BICRAL: variants seen among roughly 807,000 people sequenced by gnomAD.
BICRAL encodes BICRA like chromatin remodeling complex associated protein.
BICRAL carries 8 observed loss-of-function variants against 91.8 expected under a neutral mutation model. That is an observed-to-expected ratio of 0.09 (90% CI 0.05 to 0.16). The LOEUF is 0.16. BICRAL is among the 10% of genes least tolerant of loss of function. BICRAL has a pLI of 1.00. For synonymous variants in BICRAL, 445 were observed against 491.1 expected, an observed-to-expected ratio of 0.91 and a Z score of 1.24; for missense variants, 1,038 against 1,310.9, an observed-to-expected ratio of 0.79 and a Z score of 3.21.
chr6:42,857,063 A>G lies in BICRAL; in HGVS notation c.2109-28A>G, dbSNP rs200460616. On this transcript the variant is annotated intron_variant, in intron 9 of 12. Coordinates refer to ENST00000314073, the MANE Select transcript of BICRAL (RefSeq NM_001393499.1). ...ATTTAATTTCCTAACATGACTTTAC[A>G]TTGACATTGACCATTTCCCTTGTAA... The G allele has an allele frequency of 1.7e-4, 262 of 1,578,790 alleles. 2 individuals are homozygous for G. Among genetic ancestry groups the G allele is most frequent in the Non-Finnish European group, 3.4e-5 (39 of 1,156,208 alleles).
chr6:42,767,460 G>A (rs568530630), intron 1 of BICRAL, among the ~76,000 whole-genome samples: 51 of 152,226 alleles, frequency 3.4e-4, no homozygotes, highest in Admixed American at 1.5e-3. Context: ...TGATAGATGG[G>A]CATCTCATCT....
intron 1 of BICRAL, among the ~76,000 whole-genome samples, chr6:42,804,077 C>CA (rs1207055093): frequency 1.3e-5 from 2 of 152,202 alleles, no homozygotes; most frequent in African/African-American, 4.8e-5. Flanking sequence ...GGCTGGAGTG[C>CA]AATGGCATGA....
At chr6:42,859,065 A>G (rs1195415368) in intron 10 of BICRAL, among the ~76,000 whole-genome samples, 2 of 151,948 alleles carry the variant, frequency 1.3e-5, no homozygotes, top group African/African-American at 4.8e-5. Context: ...CTAGGACACC[A>G]AGGAATAGGG....
chr6:42,848,134 GA>G (rs988718618), intron 6 of BICRAL, among the ~76,000 whole-genome samples: 17 of 134,826 alleles, frequency 1.3e-4, no homozygotes, highest in Non-Finnish European at 2.4e-4. Flanking sequence ...GTCTCAAAAA[GA>G]AAAAAAAAAC....
At chr6:42,770,437 G>A (rs1582805627) in intron 1 of BICRAL, among the ~76,000 whole-genome samples, 1 of 138,826 alleles carries the variant, frequency 7.2e-6, no homozygotes, top group East Asian at 2.1e-4. Context: ...TTTTTGAGAC[G>A]GAGCCTTGCT....
rs571180442 is a variant in BICRAL, at chr6:42,850,926, C to T, written c.1840-1166C>T. ...CCTTTATTGGCTGGGTGTGGTGGCT[C>T]ATGCCTGTAATCCCAGCACTTTGGG... is the stretch of plus-strand genomic sequence containing the variant. On this transcript the variant is annotated intron_variant, in intron 6 of 12. Transcript: ENST00000314073. Among the ~76,000 whole-genome samples the T allele has an allele frequency of 2.9e-3, 434 of 152,038 alleles. 2 individuals carry two copies. Among genetic ancestry groups the T allele is most frequent in the African/African-American group, 1.0e-2 (414 of 41,480 alleles).
At chr6:42,802,757 T>C (rs1337975379) in intron 1 of BICRAL, among the ~76,000 whole-genome samples, 1 of 151,992 alleles carries the variant, frequency 6.6e-6, no homozygotes, top group Non-Finnish European at 1.5e-5. Flanking sequence ...TTTTTTTTGT[T>C]TTTAATAGAG....
In BICRAL at chr6:42,829,023, C is replaced by A. The variant is rs763991181; in HGVS notation, c.690C>A (p.Asn230Lys). Residue 230 changes from asparagine (N) to lysine (K), a missense_variant, in exon 6 of 13, where the codon AAC (asparagine) becomes AAA (lysine). Asn to Lys is a moderately conservative substitution (Grantham distance 94). Transcript: ENST00000314073. ...ATCCTTCCATGATGACTATTAATAACCTAGATGGATCTCAAATCATATTAA... is the reference window on the plus strand; with the variant it reads ...ATCCTTCCATGATGACTATTAATAAACTAGATGGATCTCAAATCATATTAA... ...GNHPSMMTIN[N>K]LDGSQIILKG... The A allele has an allele frequency of 1.2e-6, 2 of 1,613,642 alleles. No individual in the cohort carries two copies. The highest frequency in any genetic ancestry group is 1.7e-5 in the Admixed American group (1 of 59,986).
chr6:42,788,889 T>C (rs1443118575), intron 1 of BICRAL, among the ~76,000 whole-genome samples: 1 of 151,904 alleles, frequency 6.6e-6, no homozygotes, highest in Non-Finnish European at 1.5e-5. Flanking sequence ...GTTAGTTGTG[T>C]GATTTTTTTT....
chr6:42,863,236 G>A (rs1336829282), intron 12 of BICRAL, among the ~76,000 whole-genome samples: 1 of 151,926 alleles, frequency 6.6e-6, no homozygotes, highest in African/African-American at 2.4e-5. Flanking sequence ...TTTTAGTAGA[G>A]ACGGGGTTTC....
chr6:42,839,176 C>A (rs1764718770), intron 6 of BICRAL, among the ~76,000 whole-genome samples: 1 of 152,088 alleles, frequency 6.6e-6, no homozygotes, highest in Non-Finnish European at 1.5e-5. Flanking sequence ...CTGCAGCACT[C>A]CAGCCTGGGC....
Position 42,866,664 on chromosome 6 carries a change from G to A in BICRAL, c.*1218G>A, listed in dbSNP as rs1382691188. 2 of 370,118 alleles carry A rather than the reference G, an allele frequency of 5.4e-6. No individual in the cohort carries two copies. Among genetic ancestry groups the A allele is most frequent in the African/African-American group, 4.2e-5 (2 of 47,140 alleles). 22.9% of individuals were successfully genotyped at this position (370,118 alleles called of 1,614,324 possible). On this transcript the variant is annotated 3_prime_UTR_variant, in exon 13 of 13. Transcript: ENST00000314073. ...ACTGAAAGGAAAGATCTGAGACATG[G>A]GATTCCCATTTGAGAGCCAAAGGAT...
At chr6:42,746,747 C>T (rs979808456), upstream of BICRAL, among the ~76,000 whole-genome samples, 9 of 152,142 alleles carry the variant, frequency 5.9e-5, no homozygotes, top group Non-Finnish European at 8.8e-5. Context: ...CAGTTCGGCG[C>T]GGCCTGGGGG....
chr6:42,793,296 A>AT lies in BICRAL; in HGVS notation c.-102+11224dup, dbSNP rs35332872. ...GTAGCTGGGATTACAGACCCAGCTAATTTTTTTTTTTTTTTTTTTTTTTTT... is the reference window on the plus strand; with the variant it reads ...GTAGCTGGGATTACAGACCCAGCTAATTTTTTTTTTTTTTTTTTTTTTTTTT... On this transcript the variant is annotated intron_variant, in intron 1 of 12. Transcript: ENST00000314073. Among the ~76,000 whole-genome samples, 14 of 22,970 alleles carry AT rather than the reference A, an allele frequency of 6.1e-4. 1 individual carries two copies. The highest frequency in any genetic ancestry group is 4.0e-3 in the South Asian group (1 of 250). 15.1% of individuals were successfully genotyped at this position (22,970 alleles called of 152,430 possible).
At chr6:42,832,405 A>G (rs1391026216) in intron 6 of BICRAL, among the ~76,000 whole-genome samples, 2 of 147,176 alleles carry the variant, frequency 1.4e-5, no homozygotes, top group Non-Finnish European at 3.0e-5. Flanking sequence ...ATATACATAT[A>G]TATGTATATA....
chr6:42,783,481 C>T (rs1486583422), intron 1 of BICRAL, among the ~76,000 whole-genome samples: 1 of 152,168 alleles, frequency 6.6e-6, no homozygotes, highest in Non-Finnish European at 1.5e-5. Flanking sequence ...GGCCTGTCGC[C>T]AGGGCTGGTG....
At chr6:42,855,961 T>G (rs1425682940) in intron 9 of BICRAL, 44 bp downstream of exon 9, 1 of 1,446,526 alleles carries the variant, frequency 6.9e-7, no homozygotes, top group African/African-American at 1.4e-5. Flanking sequence ...GAACACTTCT[T>G]TGGGTCCCTA....
At position 42,751,654 on chromosome 6, in the gene BICRAL, C is replaced by CTTTTTT. The variant is rs1190737893; in HGVS notation, c.-261+4646_-261+4651dup. On this transcript the variant is annotated intron_variant, in intron 1 of 14. Coordinates refer to the BICRAL transcript ENST00000614467. ...TAAAAGGACCCTTTTTCTTTCTTTT[C>CTTTTTT]TTTTTTTTTTTTTTTTTTTTGAGAC... Among the ~76,000 whole-genome samples, 159 of 116,496 alleles carry CTTTTTT rather than the reference C, an allele frequency of 1.4e-3. 1 individual carries two copies. The highest frequency in any genetic ancestry group is 5.0e-3 in the Middle Eastern group (1 of 202). The allele number at this position is 116,496 out of a possible 152,430, so 76.4% of individuals were successfully genotyped here.
At chr6:42,817,195 T>C (rs1025184279) in intron 2 of BICRAL, among the ~76,000 whole-genome samples, 1 of 151,122 alleles carries the variant, frequency 6.6e-6, no homozygotes, top group African/African-American at 2.4e-5. Context: ...TGTGTGTATT[T>C]CCCCCACACA....
Sources: gnomAD v4.1 joint callset for allele counts (sites outside exome capture counted in the v4.1 genomes callset) on GRCh38, gnomAD v4.1.1 for gene constraint, MANE v1.5 for transcripts, NCBI Gene and HGNC (gene_info 2026-07-23, HGNC 2026-07-21) for gene names.